The following RABGAP1L variants were observed in gnomAD, a reference collection of about 807,000 sequenced individuals.
The protein encoded by RABGAP1L is RAB GTPase activating protein 1 like.
RABGAP1L carries 63 observed loss-of-function variants against 137.7 expected under a neutral mutation model. That is an observed-to-expected ratio of 0.46 (90% CI 0.37 to 0.56). The LOEUF is 0.56. Ranked by LOEUF, RABGAP1L falls within the 20% of genes least tolerant of loss-of-function variation. The pLI is 0.00. For missense variants in RABGAP1L, 1,095 were observed against 1,244.0 expected (o/e 0.88, Z 1.80); for synonymous variants, 431 against 433.7 (o/e 0.99, Z 0.08).
Position 174,427,944 on chromosome 1 carries a change from T to C in RABGAP1L, c.1710+33799T>C, listed in dbSNP as rs564817417. ...ATGATCAAGCACACTCAGACCTGTGTTGGTTAGTCAATGGAATTGCTTAGT... is the reference window on the plus strand; with the variant it reads ...ATGATCAAGCACACTCAGACCTGTGCTGGTTAGTCAATGGAATTGCTTAGT... On this transcript the variant is annotated intron_variant, in intron 13 of 25. Coordinates refer to ENST00000681986, the MANE Select transcript of RABGAP1L (RefSeq NM_001366446.1). Among the ~76,000 whole-genome samples, 15 of 152,300 alleles carry C rather than the reference T, an allele frequency of 9.8e-5. No homozygotes were observed. The South Asian group carries it at 2.9e-3, about 29-fold the overall frequency.
At chr1:174,824,261 G>A in intron 19 of RABGAP1L, among the ~76,000 whole-genome samples, 1 of 152,174 alleles carries the variant, frequency 6.6e-6, no homozygotes, top group South Asian at 2.1e-4. Context: ...CTTCCCTCCA[G>A]CCTGGGCGAA....
At chr1:174,534,354 C>G (rs1020881883) in intron 13 of RABGAP1L, among the ~76,000 whole-genome samples, 1 of 152,024 alleles carries the variant, frequency 6.6e-6, no homozygotes, top group Non-Finnish European at 1.5e-5. Context: ...TTTCACGACC[C>G]CCAGTGGATG....
chr1:174,608,175 A>T (rs1036887671), intron 13 of RABGAP1L, among the ~76,000 whole-genome samples: 1 of 152,042 alleles, frequency 6.6e-6, no homozygotes. Flanking sequence ...GTGAGGCATG[A>T]CTCACCTTCC....
At chr1:174,162,988 C>T in intron 1 of RABGAP1L, among the ~76,000 whole-genome samples, 1 of 150,310 alleles carries the variant, frequency 6.7e-6, no homozygotes, top group East Asian at 2.0e-4. Context: ...ATACCTAATG[C>T]TAGATGATGA....
intron 19 of RABGAP1L, among the ~76,000 whole-genome samples, chr1:174,841,423 A>G (rs1383447502): frequency 6.6e-6 from 1 of 152,090 alleles, no homozygotes; most frequent in African/African-American, 2.4e-5. Flanking sequence ...CATAATGAAA[A>G]CAATACATAT....
chr1:174,955,013 TTTG>T (rs1365634877), intron 19 of RABGAP1L, among the ~76,000 whole-genome samples: 1 of 152,206 alleles, frequency 6.6e-6, no homozygotes, highest in Non-Finnish European at 1.5e-5. Flanking sequence ...ATGTTGTCGT[TTTG>T]TTAACACATG....
intron 14 of RABGAP1L, among the ~76,000 whole-genome samples, chr1:174,678,060 AAGAGGATAAATCATATAC>A (rs1677770233): frequency 6.6e-6 from 1 of 152,278 alleles, no homozygotes; most frequent in African/African-American, 2.4e-5. Flanking sequence ...TTATGTATGA[AAGAGGATAAATCATATAC>A]AGATATTAAA....
intron 13 of RABGAP1L, among the ~76,000 whole-genome samples, chr1:174,621,683 A>G (rs998791519): frequency 6.6e-6 from 1 of 152,112 alleles, no homozygotes; most frequent in East Asian, 1.9e-4. Flanking sequence ...CCTTCCTTAC[A>G]CCTTATACAA....
At chr1:174,729,079 G>T (rs570164001) in intron 17 of RABGAP1L, among the ~76,000 whole-genome samples, 1 of 152,232 alleles carries the variant, frequency 6.6e-6, no homozygotes, top group African/African-American at 2.4e-5. Context: ...CAAATATACT[G>T]TAAGGCTATA....
At chr1:174,775,547 A>G (rs1686461519) in intron 18 of RABGAP1L, among the ~76,000 whole-genome samples, 1 of 152,134 alleles carries the variant, frequency 6.6e-6, no homozygotes, top group African/African-American at 2.4e-5. Flanking sequence ...TCCCGACCTC[A>G]GGAGATCCGC....
chr1:174,776,923 A>C (rs1686571483), intron 18 of RABGAP1L, among the ~76,000 whole-genome samples: 1 of 152,206 alleles, frequency 6.6e-6, no homozygotes, highest in Non-Finnish European at 1.5e-5. Flanking sequence ...GTACTTAATC[A>C]GTTTAGATTG....
At chr1:174,979,438 A>C (rs1220029293) in intron 23 of RABGAP1L, among the ~76,000 whole-genome samples, 3 of 152,232 alleles carry the variant, frequency 2.0e-5, no homozygotes, top group African/African-American at 7.2e-5. Context: ...GGGTAGATTT[A>C]GAGGAATAGA....
chr1:174,929,753 A>AAAATAAATAAATAAATAAATAAAT (rs61539169), intron 19 of RABGAP1L, among the ~76,000 whole-genome samples: 2 of 140,822 alleles, frequency 1.4e-5, no homozygotes, highest in Non-Finnish European at 3.0e-5. Context: ...GTCTCTACAA[A>AAAATAAATAAATAAATAAATAAAT]AAATAAATAA....
chr1:174,263,524 A>G (rs546690035), intron 7 of RABGAP1L, among the ~76,000 whole-genome samples: 8 of 152,236 alleles, frequency 5.3e-5, no homozygotes, highest in African/African-American at 1.4e-4. Context: ...GCAGTCCATA[A>G]AGTTTCTGAT....
In RABGAP1L at chr1:174,642,329, T is replaced by G. The variant is rs1258403664; in HGVS notation, c.1824+4841T>G. 2.0e-5 allele frequency among the ~76,000 whole-genome samples: 3 copies of G among 151,882 alleles called. No individual in the cohort carries two copies. The East Asian group carries it at 5.8e-4, about 29-fold the overall frequency. ...TACCAAATATTTTTATCAAAAAGAT[T>G]GGATTTATTATAAAAACTAGAGCAG... is the stretch of plus-strand genomic sequence containing the variant. On this transcript the variant is annotated intron_variant, in intron 14 of 25. Transcript: ENST00000681986.
Position 174,538,502 on chromosome 1 carries a change from C to T in RABGAP1L, c.1711-98873C>T, listed in dbSNP as rs184581863. Among the ~76,000 whole-genome samples, 586 of 152,210 alleles carry T rather than the reference C, an allele frequency of 3.8e-3. 5 individuals are homozygous for T. Among genetic ancestry groups the T allele is most frequent in the African/African-American group, 0.012 (506 of 41,522 alleles). ...TTGAACTTAAACTTTGAAGTATAAC[C>T]CTATAGACATACCACTAATCTAGGG... On this transcript the variant is annotated intron_variant, in intron 13 of 25. Transcript: ENST00000681986.
At chr1:174,325,240 G>A (rs550032344) in intron 11 of RABGAP1L, among the ~76,000 whole-genome samples, 3 of 152,292 alleles carry the variant, frequency 2.0e-5, no homozygotes, top group African/African-American at 7.2e-5. Flanking sequence ...AATAGTGGGG[G>A]AAAGAAAGTA....
intron 15 of RABGAP1L, among the ~76,000 whole-genome samples, chr1:174,689,184 T>G (rs1463843893): frequency 1.3e-5 from 2 of 151,972 alleles, no homozygotes; most frequent in East Asian, 3.8e-4. Flanking sequence ...AATTAAAAAT[T>G]ATAAATTTTA....
Position 174,385,923 on chromosome 1 carries a change from G to A in RABGAP1L, c.1560-8072G>A, listed in dbSNP as rs1292328027. Among the ~76,000 whole-genome samples the A allele has an allele frequency of 5.3e-5, 8 of 152,216 alleles. No individual in the cohort carries two copies. The East Asian group carries it at 5.8e-4, about 11-fold the overall frequency. On this transcript the variant is annotated intron_variant, in intron 12 of 25. Transcript: ENST00000681986. ...TTGCTATAAAAGGATGATAGGAAAC[G>A]AGGACACATTAGTAAGTGGATGTGG...
Sources: gnomAD v4.1 joint callset for allele counts (sites outside exome capture counted in the v4.1 genomes callset) on GRCh38, gnomAD v4.1.1 for gene constraint, MANE v1.5 for transcripts, NCBI Gene and HGNC (gene_info 2026-07-23, HGNC 2026-07-21) for gene names.